GRID2: variants seen among roughly 807,000 people sequenced by gnomAD.
GRID2 encodes glutamate receptor ionotropic, delta-2.
A neutral mutation model predicts 114.8 loss-of-function variants in GRID2; 33 were observed. That is an observed-to-expected ratio of 0.29 (90% CI 0.22 to 0.38). The LOEUF is 0.38. Ranked by LOEUF, GRID2 falls within the 10% of genes least tolerant of loss-of-function variation. The probability of loss-of-function intolerance (pLI) is 1.00; values close to 1 mark genes in which losing one functional copy is unlikely to be tolerated. For missense variants in GRID2, 1,184 were observed against 1,257.7 expected (o/e 0.94, Z 0.89); for synonymous variants, 505 against 449.9 (o/e 1.12, Z -1.55).
chr4:92,548,255 T>C (rs1283053150), intron 1 of GRID2, among the ~76,000 whole-genome samples: 1 of 152,074 alleles, frequency 6.6e-6, no homozygotes, highest in Non-Finnish European at 1.5e-5. Flanking sequence ...TGTTTACACT[T>C]CTAGTCTGCT....
intron 1 of GRID2, among the ~76,000 whole-genome samples, chr4:92,347,863 G>T (rs1456408156): frequency 2.0e-5 from 3 of 152,000 alleles, no homozygotes; most frequent in Admixed American, 6.6e-5. Flanking sequence ...ATATTATATT[G>T]TAATATTACG....
intron 2 of GRID2, among the ~76,000 whole-genome samples, chr4:93,066,693 A>C (rs1728325633): frequency 6.6e-6 from 1 of 152,002 alleles, no homozygotes; most frequent in Admixed American, 6.6e-5. Context: ...GATCTTAGCA[A>C]CCTAAGCATA....
At chr4:93,206,116 A>T (rs1281118312) in intron 4 of GRID2, among the ~76,000 whole-genome samples, 1 of 152,060 alleles carries the variant, frequency 6.6e-6, no homozygotes, top group Non-Finnish European at 1.5e-5. Context: ...AAAGCTTAGA[A>T]GTAGATAACA....
At chr4:92,872,575 T>A (rs1234392275) in intron 2 of GRID2, among the ~76,000 whole-genome samples, 3 of 151,866 alleles carry the variant, frequency 2.0e-5, no homozygotes, top group Non-Finnish European at 2.9e-5. Context: ...GAAAAAAAAA[T>A]GTTAATACTC....
intron 11 of GRID2, among the ~76,000 whole-genome samples, chr4:93,458,311 TATG>T (rs1221531978): frequency 6.6e-6 from 1 of 152,340 alleles, no homozygotes; most frequent in East Asian, 1.9e-4. Context: ...GTCTTTGCCC[TATG>T]ATGTCTGAGG....
intron 2 of GRID2, among the ~76,000 whole-genome samples, chr4:93,062,524 T>G (rs1320134524): frequency 1.3e-5 from 2 of 152,058 alleles, no homozygotes; most frequent in Non-Finnish European, 1.5e-5. Flanking sequence ...CTAGTTATAC[T>G]CCCTGTGATA....
intron 13 of GRID2, among the ~76,000 whole-genome samples, chr4:93,608,432 G>C (rs1740553366): frequency 7.0e-6 from 1 of 142,958 alleles, no homozygotes; most frequent in Non-Finnish European, 1.5e-5. Context: ...TCTAGCATTA[G>C]GTATATCTCC....
At chr4:93,628,827 G>A (rs1325742033) in intron 14 of GRID2, among the ~76,000 whole-genome samples, 1 of 148,704 alleles carries the variant, frequency 6.7e-6, no homozygotes, top group East Asian at 2.0e-4. Flanking sequence ...GTGCAGTGGT[G>A]CGATCTCGGC....
At chr4:93,135,770 A>T (rs1189451627) in intron 4 of GRID2, among the ~76,000 whole-genome samples, 1 of 152,190 alleles carries the variant, frequency 6.6e-6, no homozygotes, top group Non-Finnish European at 1.5e-5. Context: ...TTTCAGTAGA[A>T]AACCAAGAAG....
At chr4:92,646,878 T>A (rs1278503538) in intron 2 of GRID2, among the ~76,000 whole-genome samples, 2 of 152,002 alleles carry the variant, frequency 1.3e-5, no homozygotes, top group Admixed American at 1.3e-4. Flanking sequence ...ACAATCACAG[T>A]CTTTGAATTC....
At chr4:92,992,344 ACTC>A (rs1754958921) in intron 2 of GRID2, among the ~76,000 whole-genome samples, 1 of 151,962 alleles carries the variant, frequency 6.6e-6, no homozygotes, top group Non-Finnish European at 1.5e-5. Context: ...ATTTACCACA[ACTC>A]CTCATCATTT....
intron 8 of GRID2, among the ~76,000 whole-genome samples, chr4:93,241,206 C>T (rs1356526024): frequency 1.3e-5 from 2 of 151,670 alleles, no homozygotes; most frequent in East Asian, 3.9e-4. Context: ...GATTTTATAT[C>T]TAGCACTCTT....
At chr4:93,730,411 A>C (rs1316829618) in intron 14 of GRID2, among the ~76,000 whole-genome samples, 1 of 152,152 alleles carries the variant, frequency 6.6e-6, no homozygotes, top group African/African-American at 2.4e-5. Flanking sequence ...TGTGGAGCTC[A>C]GCTGTGCTGG....
chr4:93,430,053 A>T (rs1016124438), intron 10 of GRID2, among the ~76,000 whole-genome samples: 3 of 152,216 alleles, frequency 2.0e-5, no homozygotes, highest in Non-Finnish European at 4.4e-5. Context: ...TATGGTTGAC[A>T]CAAAGTTTGG....
chr4:93,616,265 C>T (rs541716337), intron 13 of GRID2, among the ~76,000 whole-genome samples: 14 of 152,024 alleles, frequency 9.2e-5, no homozygotes, highest in East Asian at 1.9e-4. Flanking sequence ...AGACTAAGGC[C>T]GGGCACAGTG....
At chr4:92,997,611 G>T (rs1262805581) in intron 2 of GRID2, among the ~76,000 whole-genome samples, 1 of 152,200 alleles carries the variant, frequency 6.6e-6, no homozygotes, top group Admixed American at 6.6e-5. Flanking sequence ...TCTGCTGACT[G>T]AAATGAAGGC....
intron 1 of GRID2, among the ~76,000 whole-genome samples, chr4:92,564,063 T>C (rs1161834425): frequency 6.6e-6 from 1 of 152,068 alleles, no homozygotes; most frequent in Non-Finnish European, 1.5e-5. Context: ...ATATATTTAA[T>C]CCAAATACAT....
intron 8 of GRID2, among the ~76,000 whole-genome samples, chr4:93,319,241 C>G (rs1163012268): frequency 6.6e-6 from 1 of 152,098 alleles, no homozygotes; most frequent in Non-Finnish European, 1.5e-5. Context: ...ACCTTAAACA[C>G]AGAGCCATTC....
At chr4:92,375,458 G>T (rs577749852) in intron 1 of GRID2, among the ~76,000 whole-genome samples, 1 of 152,028 alleles carries the variant, frequency 6.6e-6, no homozygotes, top group South Asian at 2.1e-4. Context: ...CAAAAACAAG[G>T]TTCTACTATT....
Sources: gnomAD v4.1 joint callset for allele counts (sites outside exome capture counted in the v4.1 genomes callset) on GRCh38, gnomAD v4.1.1 for gene constraint, MANE v1.5 for transcripts, NCBI Gene and HGNC (gene_info 2026-07-23, HGNC 2026-07-21) for gene names.